Variants in PPP4R4 observed in about 807,000 individuals in gnomAD.
The protein encoded by PPP4R4 is protein phosphatase 4 regulatory subunit 4.
In PPP4R4, 70 loss-of-function variants were observed where a neutral mutation model predicts 121.8. The ratio of observed to expected loss-of-function variants is 0.57; its 90% confidence interval spans 0.47 to 0.70. PPP4R4 has a LOEUF of 0.70. Among genes scored for constraint, PPP4R4 ranks in the 30% least tolerant of loss-of-function variants. The pLI, the probability that PPP4R4 is intolerant of heterozygous loss-of-function variation, is 0.00. For synonymous variants in PPP4R4, 348 were observed against 355.7 expected (o/e 0.98, Z 0.24); for missense variants, 875 against 1,033.6 (o/e 0.85, Z 2.10).
intron 2 of PPP4R4, among the ~76,000 whole-genome samples, chr14:94,202,967 G>A (rs1890270067): frequency 6.8e-6 from 1 of 146,576 alleles, no homozygotes; most frequent in South Asian, 2.2e-4. Flanking sequence ...TGGTGACAGA[G>A]CCAGACTCCA....
intron 2 of PPP4R4, among the ~76,000 whole-genome samples, chr14:94,193,032 C>T (rs1388926061): frequency 6.6e-6 from 1 of 152,140 alleles, no homozygotes; most frequent in African/African-American, 2.4e-5. Flanking sequence ...TTTGAGAGAT[C>T]AAAGATGTTT....
intron 3 of PPP4R4, among the ~76,000 whole-genome samples, chr14:94,214,508 C>CAA (rs201462347): frequency 3.1e-5 from 4 of 130,004 alleles, no homozygotes; most frequent in African/African-American, 7.9e-5. Flanking sequence ...CTCTAAAAAA[C>CAA]AAAAAAAAAA....
intron 2 of PPP4R4, among the ~76,000 whole-genome samples, chr14:94,189,318 T>C (rs186759424): frequency 1.3e-5 from 2 of 152,342 alleles, no homozygotes; most frequent in East Asian, 3.9e-4. Flanking sequence ...TTTGAACATT[T>C]CATTGTATTC....
intron 4 of PPP4R4, 126 bp downstream of exon 4, chr14:94,230,860 G>A (rs1891993139): frequency 9.2e-7 from 1 of 1,084,858 alleles, no homozygotes; most frequent in Non-Finnish European, 1.3e-6. Context: ...TAGGAGTTGA[G>A]CAGTGGAATG....
At chr14:94,277,164 G>A (rs1030161646) in intron 24 of PPP4R4, among the ~76,000 whole-genome samples, 1 of 152,152 alleles carries the variant, frequency 6.6e-6, no homozygotes, top group East Asian at 1.9e-4. Flanking sequence ...AGCTAGCTGT[G>A]GTGGCATGTG....
chr14:94,190,326 A>G (rs1889526539), intron 2 of PPP4R4, among the ~76,000 whole-genome samples: 1 of 152,104 alleles, frequency 6.6e-6, no homozygotes, highest in Non-Finnish European at 1.5e-5. Context: ...AAAGTATTTT[A>G]GGCTGGGATG....
At chr14:94,246,894 C>A (rs1262155616) in intron 14 of PPP4R4, among the ~76,000 whole-genome samples, 1 of 152,238 alleles carries the variant, frequency 6.6e-6, no homozygotes, top group Non-Finnish European at 1.5e-5. Context: ...GGACCTTCTT[C>A]TGTTCTGATG....
intron 19 of PPP4R4, among the ~76,000 whole-genome samples, chr14:94,263,214 AT>A (rs1298288609): frequency 6.6e-6 from 1 of 151,730 alleles, no homozygotes; most frequent in African/African-American, 2.4e-5. Flanking sequence ...TTCTCTTCCA[AT>A]TTTTCTCTCT....
chr14:94,262,457 A>G (rs1030044432), intron 19 of PPP4R4, among the ~76,000 whole-genome samples: 4 of 151,846 alleles, frequency 2.6e-5, no homozygotes, highest in African/African-American at 9.7e-5. Flanking sequence ...TTGTTTCTCT[A>G]GGGATTTTAA....
intron 3 of PPP4R4, among the ~76,000 whole-genome samples, chr14:94,212,644 A>AT (rs34736094): frequency 6.6e-6 from 1 of 152,094 alleles, no homozygotes; most frequent in South Asian, 2.1e-4. Flanking sequence ...CTATTGAATA[A>AT]TTTTTTTCCT....
intron 2 of PPP4R4, among the ~76,000 whole-genome samples, chr14:94,186,755 T>C (rs1889307810): frequency 6.6e-6 from 1 of 152,212 alleles, no homozygotes; most frequent in Admixed American, 6.5e-5. Context: ...TCTATAACAC[T>C]TGATATGATC....
Position 94,244,642 on chromosome 14 carries a change from A to G in PPP4R4, c.1274A>G (p.Lys425Arg). ...TTTATTGCTATATTTTAGGTATCTA[A>G]GCTTCTGAATTCTGGAGTATATTTA... The part of the protein sequence containing the change: ...TIAICFYEVS[K>R]LLNSGVYLIH... The change falls in exon 12 of 25, where the codon AAG becomes AGG. Residue 425 changes from lysine (K) to arginine (R), a missense_variant. Transcript: ENST00000304338. 1 of 1,499,090 alleles carries G rather than the reference A, an allele frequency of 6.7e-7. No homozygotes were observed. The highest frequency in any genetic ancestry group is 2.0e-5 in the Admixed American group (1 of 51,264). The allele number at this position is 1,499,090 out of a possible 1,614,324, so 92.9% of individuals were successfully genotyped here.
At chr14:94,234,750 A>G (rs901381884) in intron 7 of PPP4R4, 81 bp downstream of exon 7, 7 of 983,218 alleles carry the variant, frequency 7.1e-6, no homozygotes, top group East Asian at 2.5e-5. Context: ...AAAAATGATC[A>G]TAACAAGTAC....
At chr14:94,257,832 C>T (rs1201677384) in intron 17 of PPP4R4, among the ~76,000 whole-genome samples, 2 of 152,028 alleles carry the variant, frequency 1.3e-5, no homozygotes, top group Non-Finnish European at 2.9e-5. Flanking sequence ...TAATGCTATA[C>T]AGGTGTAACA....
intron 8 of PPP4R4, among the ~76,000 whole-genome samples, chr14:94,238,214 A>G (rs1193068188): frequency 2.6e-5 from 4 of 152,238 alleles, no homozygotes; most frequent in South Asian, 2.1e-4. Flanking sequence ...GGGTGGACCC[A>G]TGCGGCCCCA....
chr14:94,192,960 CAT>C (rs1353568743), intron 2 of PPP4R4, among the ~76,000 whole-genome samples: 5 of 152,290 alleles, frequency 3.3e-5, no homozygotes, highest in African/African-American at 7.2e-5. Flanking sequence ...TTTATTCTAA[CAT>C]GTGGCTTATT....
intron 14 of PPP4R4, 80 bp downstream of exon 14, chr14:94,246,619 A>ATAGT (rs1311909995): frequency 7.1e-7 from 1 of 1,405,860 alleles, no homozygotes; most frequent in East Asian, 2.3e-5. Flanking sequence ...TATTTTCAAA[A>ATAGT]TAGTAGAACA....
rs534060665 is a variant in PPP4R4, at chr14:94,246,401, A to G, written c.1473A>G (p.Glu491=). Residue 491 remains glutamate, a synonymous_variant, in exon 14 of 25, where the codon GAA becomes GAG. Coordinates refer to ENST00000304338, the MANE Select transcript of PPP4R4 (RefSeq NM_058237.2). ...PDLIPALTAA[E]QRAAASLKWR... ...TGATTCCAGCACTCACAGCTGCTGA[A>G]CAGCGAGCTGCAGCCTCTTTAAAAT... 1.2e-4 allele frequency: 192 copies of G among 1,613,936 alleles called. 4 individuals carry two copies. The South Asian group carries it at 1.9e-3, about 16-fold the overall frequency.
In PPP4R4 at chr14:94,229,560, C is replaced by T. The variant is rs189096304; in HGVS notation, c.295-1027C>T. On this transcript the variant is annotated intron_variant, in intron 3 of 24. Coordinates refer to ENST00000304338, the MANE Select transcript of PPP4R4 (RefSeq NM_058237.2). ...GGATATACAATAGTAATTATTTAAA[C>T]GTTCATTTTGCACAAGTTGATAAAT... Among the ~76,000 whole-genome samples the T allele has an allele frequency of 3.0e-4, 45 of 152,152 alleles. 1 individual carries two copies. The highest frequency in any genetic ancestry group is 1.0e-3 in the African/African-American group (42 of 41,514).
Sources: allele counts gnomAD v4.1 joint callset (sites outside exome capture counted in the v4.1 genomes callset), GRCh38; gene constraint gnomAD v4.1.1; transcripts MANE v1.5; gene names NCBI Gene and HGNC (gene_info 2026-07-23, HGNC 2026-07-21).